Variants in EIF5B observed in about 807,000 individuals in gnomAD.
EIF5B encodes eukaryotic translation initiation factor 5B, also known as eIF-5B.
A neutral mutation model predicts 147.5 loss-of-function variants in EIF5B; 47 were observed. The ratio of observed to expected loss-of-function variants is 0.32; its 90% CI spans 0.25 to 0.41. EIF5B has a LOEUF of 0.41. Ranked by LOEUF, EIF5B falls within the 10% of genes least tolerant of loss-of-function variation. EIF5B has a pLI of 1.00. For synonymous variants in EIF5B, 455 were observed against 456.2 expected, an observed-to-expected ratio of 1.00 and a Z score of 0.03; for missense variants, 1,064 against 1,413.2, an observed-to-expected ratio of 0.75 and a Z score of 3.96.
At chr2:99,371,588 C>A in intron 8 of EIF5B, 68 bp from the exon 9 acceptor site, 6 of 1,363,762 alleles carry the variant, frequency 4.4e-6, no homozygotes, top group South Asian at 1.4e-5. Flanking sequence ...TAATTTTTTA[C>A]TTTTTTCTAA....
rs757462236 is a variant in EIF5B at position 99,379,010 on chromosome 2, T to A, written c.1843-9T>A. On this transcript the variant is annotated splice_polypyrimidine_tract_variant and intron_variant, in intron 10 of 23. Coordinates refer to ENST00000289371, the MANE Select transcript of EIF5B (RefSeq NM_015904.4). ...TTAATTTTTGATTTTTTTTTTTTTT[T>A]ATTTCTAGAAACGGCGACTTGAACA... is the stretch of plus-strand genomic sequence containing the variant. The A allele has an allele frequency of 1.7e-5, 25 of 1,496,774 alleles. No homozygotes were observed. The highest frequency in any genetic ancestry group is 9.5e-5 in the Admixed American group (4 of 42,068). 92.7% of individuals were successfully genotyped at this position (1,496,774 alleles called of 1,614,324 possible). A position where few individuals can be genotyped will look rare whatever the true frequency, so the allele number is the denominator to read the frequency against.
chr2:99,365,269 T>C lies in EIF5B; in HGVS notation c.1288+848T>C, dbSNP rs896537482. On this transcript the variant is annotated intron_variant, in intron 6 of 23. Transcript: ENST00000289371. ...ATTTTTCCCTCATAAAAAAATCTTA[T>C]AGCTATTTTTACTTCCATCATATAG... Among the ~76,000 whole-genome samples, 9 of 152,310 alleles carry C rather than the reference T, an allele frequency of 5.9e-5. No individual in the cohort carries two copies. In the East Asian group the frequency reaches 7.7e-4, roughly 13 times the overall value.
chr2:99,397,778 G>A (rs964498052), intron 22 of EIF5B: 1 of 152,120 alleles, frequency 6.6e-6, no homozygotes, highest in African/African-American at 2.4e-5. Context: ...TTTCTCAACA[G>A]CCTTTATCCC....
intron 3 of EIF5B, 72 bp downstream of exon 3, chr2:99,360,621 G>A (rs1258859912): frequency 6.8e-7 from 1 of 1,462,270 alleles, no homozygotes. Flanking sequence ...GGTTTGGGGA[G>A]CTACATTTGG....
chr2:99,383,449 G>A (rs1410371871), intron 14 of EIF5B, among the ~76,000 whole-genome samples: 1 of 152,136 alleles, frequency 6.6e-6, no homozygotes, highest in African/African-American at 2.4e-5. Context: ...ACAATGACCT[G>A]TAAGTGTTCA....
At position 99,344,442 on chromosome 2, in the gene EIF5B, G is replaced by GTT. The variant is rs70940168; in HGVS notation, c.35+6864_35+6865dup. ...TTGTTGTTGTTGTTGTTGTTTCTGG[G>GTT]TTTTTTTTTTTTGAGACGAAGTCTC... On this transcript the variant is annotated intron_variant, in intron 1 of 23. Coordinates refer to ENST00000289371, the MANE Select transcript of EIF5B (RefSeq NM_015904.4). Among the ~76,000 whole-genome samples the GTT allele has an allele frequency of 4.5e-4, 62 of 139,128 alleles. 1 individual carries two copies. Among genetic ancestry groups the GTT allele is most frequent in the African/African-American group, 1.4e-3 (55 of 38,700 alleles). 91.3% of individuals were successfully genotyped at this position (139,128 alleles called of 152,430 possible).
chr2:99,376,145 T>A (rs965924670), intron 9 of EIF5B, among the ~76,000 whole-genome samples: 1 of 152,114 alleles, frequency 6.6e-6, no homozygotes, highest in Non-Finnish European at 1.5e-5. Flanking sequence ...GAGACTTTTT[T>A]TTGTGATTTT....
At position 99,379,808 on chromosome 2, in the gene EIF5B, G is replaced by A. The variant is rs532922287; in HGVS notation, c.2061+380G>A. ...CTTTTTCTCCCATATTTTTCTACTT[G>A]TTTGGAGGTATTCAGTTTATGTATG... On this transcript the variant is annotated intron_variant, in intron 12 of 23. Coordinates refer to ENST00000289371, the MANE Select transcript of EIF5B (RefSeq NM_015904.4). 1.9e-4 allele frequency among the ~76,000 whole-genome samples: 29 copies of A among 151,676 alleles called. No homozygotes were observed. The South Asian group carries it at 6.0e-3, about 32-fold the overall frequency.
chr2:99,389,174 A>G, intron 14 of EIF5B, among the ~76,000 whole-genome samples: 1 of 151,972 alleles, frequency 6.6e-6, no homozygotes, highest in South Asian at 2.1e-4. Context: ...TATGCTTTTG[A>G]TTGTTTGTTT....
chr2:99,347,990 G>A (rs904035043), intron 1 of EIF5B, among the ~76,000 whole-genome samples: 5 of 152,138 alleles, frequency 3.3e-5, no homozygotes, highest in African/African-American at 1.2e-4. Flanking sequence ...CTGCAACTCT[G>A]TGTTCCTCCC....
At chr2:99,389,989 T>C in intron 15 of EIF5B, 140 bp downstream of exon 15, 1 of 1,248,212 alleles carries the variant, frequency 8.0e-7, no homozygotes, top group Non-Finnish European at 1.1e-6. Flanking sequence ...TCTTCTTCCC[T>C]TTTCTCCTTT....
chr2:99,386,513 G>T (rs1416309176), intron 14 of EIF5B, among the ~76,000 whole-genome samples: 1 of 147,344 alleles, frequency 6.8e-6, no homozygotes, highest in South Asian at 2.1e-4. Flanking sequence ...GTTGGAGACT[G>T]TCTCTTGCTG....
At position 99,400,973 on chromosome 2, in the gene EIF5B, A is replaced by G. The variant is rs1675296864; in HGVS notation, c.*1559A>G. ...TATACATACAGTTCTTTATTAAACA[A>G]CTGTAAACACTTCACTGTAAAAATC... On this transcript the variant is annotated 3_prime_UTR_variant, in exon 24 of 24. Transcript: ENST00000289371. The G allele has an allele frequency of 8.2e-6, 2 of 244,082 alleles. No homozygotes were observed. Among genetic ancestry groups the G allele is most frequent in the African/African-American group, 4.5e-5 (2 of 44,900 alleles). 15.1% of individuals were successfully genotyped at this position (244,082 alleles called of 1,614,324 possible). A position where few individuals can be genotyped will look rare whatever the true frequency, so the allele number is the denominator to read the frequency against.
chr2:99,394,594 T>G lies in EIF5B; in HGVS notation c.3089+9T>G. The G allele has an allele frequency of 6.2e-7, 1 of 1,614,110 alleles. No individual in the cohort carries two copies. The highest frequency in any genetic ancestry group is 8.5e-7 in the Non-Finnish European group (1 of 1,179,994). On this transcript the variant is annotated intron_variant, in intron 20 of 23. Transcript: ENST00000289371. ...TTGGAACATGACCCTCAGTAAGTAA[T>G]TTCTCTTGCTATGAAGGCTTTCATG... is the stretch of plus-strand genomic sequence containing the variant.
intron 6 of EIF5B, among the ~76,000 whole-genome samples, chr2:99,367,835 T>G (rs1210434713): frequency 1.3e-5 from 2 of 152,160 alleles, no homozygotes; most frequent in African/African-American, 4.8e-5. Flanking sequence ...TTATAAAAAT[T>G]AAGGTCATAT....
intron 12 of EIF5B, among the ~76,000 whole-genome samples, chr2:99,380,366 A>G (rs1674662724): frequency 6.6e-6 from 1 of 152,078 alleles, no homozygotes; most frequent in South Asian, 2.1e-4. Flanking sequence ...TCTGTTTTGT[A>G]TTATTATGAA....
Position 99,396,859 on chromosome 2 carries a change from G to A in EIF5B, c.3354G>A (p.Gln1118=), listed in dbSNP as rs747975042. Residue 1118 remains glutamine (Q), a synonymous_variant, in exon 22 of 24, where the codon CAG becomes CAA. Coordinates refer to ENST00000289371, the MANE Select transcript of EIF5B (RefSeq NM_015904.4). The part of the protein sequence containing the change: ...IVMGVTVEAG[Q]VKQGTPMCVP... ...TGGGGGTGACGGTGGAAGCAGGTCA[G>A]GTGAAACAGGGGACACCCATGTGTG... The A allele has an allele frequency of 1.9e-6, 3 of 1,612,304 alleles. No individual in the cohort carries two copies. The highest frequency in any genetic ancestry group is 1.3e-5 in the African/African-American group (1 of 74,666).
At chr2:99,373,973 T>A (rs1345996527) in intron 9 of EIF5B, among the ~76,000 whole-genome samples, 1 of 152,138 alleles carries the variant, frequency 6.6e-6, no homozygotes, top group Non-Finnish European at 1.5e-5. Context: ...TGAATGACAT[T>A]TACCCAATAC....
At chr2:99,356,309 C>T (rs1674095351) in intron 1 of EIF5B, among the ~76,000 whole-genome samples, 1 of 152,038 alleles carries the variant, frequency 6.6e-6, no homozygotes, top group Admixed American at 6.5e-5. Flanking sequence ...CTATATTGTA[C>T]TCTTTGGAAT....
Sources: gnomAD v4.1 joint callset for allele counts (sites outside exome capture counted in the v4.1 genomes callset) on GRCh38, gnomAD v4.1.1 for gene constraint, MANE v1.5 for transcripts, NCBI Gene and HGNC (gene_info 2026-07-23, HGNC 2026-07-21) for gene names.